The following BAIAP2 variants were observed in gnomAD, a reference collection of about 807,000 sequenced individuals.
BAIAP2 encodes BAR/IMD domain containing adaptor protein 2.
Under a neutral mutation model 63.0 loss-of-function variants are expected in BAIAP2, and 18 were observed. That is an observed-to-expected ratio of 0.29 (90% CI 0.20 to 0.42). The LOEUF is 0.42. Among genes scored for constraint, BAIAP2 ranks in the 10% least tolerant of loss-of-function variants. The probability of loss-of-function intolerance (pLI) is 1.00; values close to 1 mark genes in which losing one functional copy is unlikely to be tolerated. For synonymous variants in BAIAP2, 386 were observed against 307.6 expected (o/e 1.25, Z -2.67); for missense variants, 610 against 734.3 (o/e 0.83, Z 1.96).
chr17:81,035,208 G>A lies in BAIAP2; in HGVS notation c.-47G>A, dbSNP rs760112001. On this transcript the variant is annotated 5_prime_UTR_variant, in exon 1 of 14. Transcript: ENST00000428708. The stretch of plus-strand genomic sequence containing the variant: ...TGCCGTTACCGCCGCTGCTGCCGCC[G>A]CTTGCGTCCCCCGCTCCGGTCTGTG... 8 of 1,439,506 alleles carry A rather than the reference G, an allele frequency of 5.6e-6. No individual in the cohort carries two copies. Among genetic ancestry groups the A allele is most frequent in the Admixed American group, 2.3e-5 (1 of 44,104 alleles). The allele number at this position is 1,439,506 out of a possible 1,614,324, so 89.2% of individuals were successfully genotyped here.
chr17:81,092,878 C>A (rs368389248), intron 6 of BAIAP2, among the ~76,000 whole-genome samples: 6 of 152,146 alleles, frequency 3.9e-5, no homozygotes, highest in African/African-American at 1.4e-4. Flanking sequence ...AGTGTGTCCG[C>A]GGGGCGTGGT....
At chr17:81,084,492 G>A (rs549834339) in intron 3 of BAIAP2, among the ~76,000 whole-genome samples, 74 of 152,250 alleles carry the variant, frequency 4.9e-4, no homozygotes, top group African/African-American at 1.7e-3. Context: ...AGCCGGATGC[G>A]TATGAGGACG....
intron 3 of BAIAP2, chr17:81,083,158 T>G (rs1317303851): frequency 6.6e-6 from 1 of 152,388 alleles, no homozygotes; most frequent in African/African-American, 2.4e-5. Flanking sequence ...GGTTAGGGCT[T>G]CCTGCGTGTC....
chr17:81,085,370 G>A (rs1285913787), intron 4 of BAIAP2: 1 of 604,332 alleles, frequency 1.7e-6, no homozygotes, highest in Non-Finnish European at 3.0e-6. Context: ...GTGATCCCCA[G>A]CATGGGACAG....
chr17:81,062,645 T>A (rs1307818373), intron 3 of BAIAP2, among the ~76,000 whole-genome samples: 1 of 151,990 alleles, frequency 6.6e-6, no homozygotes, highest in Non-Finnish European at 1.5e-5. Flanking sequence ...TCTTTACTGT[T>A]CCTGTATTAC....
intron 13 of BAIAP2, among the ~76,000 whole-genome samples, chr17:81,111,798 C>A (rs779996324): frequency 2.6e-5 from 4 of 152,240 alleles, no homozygotes; most frequent in Non-Finnish European, 4.4e-5. Flanking sequence ...TCGCCTACAC[C>A]TGTGTCTGGG....
rs528867462 is a variant in BAIAP2 at position 81,080,950 on chromosome 17, C to T, written c.218-3882C>T. Among the ~76,000 whole-genome samples, 5 of 152,350 alleles carry T rather than the reference C, an allele frequency of 3.3e-5. No individual in the cohort carries two copies. The East Asian group carries it at 7.7e-4, about 24-fold the overall frequency. On this transcript the variant is annotated intron_variant, in intron 3 of 13. Transcript: ENST00000428708. The stretch of plus-strand genomic sequence containing the variant: ...CTCTTTGTGAACTTGCTGGCCCCCA[C>T]GCCAGGATAGGGGGCCGGCGACCTC...
intron 6 of BAIAP2, among the ~76,000 whole-genome samples, chr17:81,093,623 C>G (rs935129921): frequency 6.6e-6 from 1 of 152,098 alleles, no homozygotes; most frequent in Non-Finnish European, 1.5e-5. Flanking sequence ...CACTGGTGCT[C>G]TGCTCACTGT....
At chr17:81,081,578 C>T (rs2054613496) in intron 3 of BAIAP2, among the ~76,000 whole-genome samples, 1 of 152,186 alleles carries the variant, frequency 6.6e-6, no homozygotes, top group Non-Finnish European at 1.5e-5. Context: ...AAGTGGCTTC[C>T]CTTCAGCCAG....
chr17:81,062,451 C>T (rs771266872), intron 3 of BAIAP2, among the ~76,000 whole-genome samples: 10 of 152,082 alleles, frequency 6.6e-5, no homozygotes, highest in Non-Finnish European at 7.3e-5. Context: ...ATTTTCAATG[C>T]GCCATCACGA....
At chr17:81,068,680 C>T (rs921641256) in intron 3 of BAIAP2, among the ~76,000 whole-genome samples, 4 of 152,172 alleles carry the variant, frequency 2.6e-5, no homozygotes, top group African/African-American at 9.7e-5. Flanking sequence ...GGAGGGTGCC[C>T]CCAAGCCTGG....
intron 1 of BAIAP2, among the ~76,000 whole-genome samples, chr17:81,037,603 T>G (rs1300418532): frequency 6.6e-6 from 1 of 152,216 alleles, no homozygotes; most frequent in Non-Finnish European, 1.5e-5. Context: ...GTCCAGGCAG[T>G]GCTGAGCTCT....
intron 2 of BAIAP2, among the ~76,000 whole-genome samples, chr17:81,056,757 C>T (rs974171675): frequency 2.6e-5 from 4 of 152,222 alleles, no homozygotes; most frequent in South Asian, 2.1e-4. Context: ...CAGGCAGCAC[C>T]GCCACCTTAG....
chr17:81,113,775 C>T (rs959935468), intron 13 of BAIAP2, among the ~76,000 whole-genome samples: 4 of 152,130 alleles, frequency 2.6e-5, no homozygotes, highest in African/African-American at 9.7e-5. Context: ...AGAGAACAGG[C>T]CTGCACCAGT....
Position 81,103,658 on chromosome 17 carries a change from A to G in BAIAP2, c.799A>G (p.Ile267Val). ...GTCGGCCTCCAAGTCCAACCTGGTC[A>G]TTTCCGACCCCATTCCGGGGGCCAA... ...ALSASKSNLV[I>V]SDPIPGAKPL... The change falls in exon 8 of 14, where the codon ATT becomes GTT. Residue 267 changes from isoleucine (I) to valine (V), a missense_variant. This residue lies in a region of BAIAP2 where 389 missense variants were observed against 455.6 expected (regional missense o/e 0.85). Coordinates refer to ENST00000428708, the MANE Select transcript of BAIAP2 (RefSeq NM_001144888.2). 1 of 1,601,750 alleles carries G rather than the reference A, an allele frequency of 6.2e-7. No homozygotes were observed. Among genetic ancestry groups the G allele is most frequent in the East Asian group, 2.2e-5 (1 of 44,610 alleles).
intron 12 of BAIAP2, 138 bp downstream of exon 12, chr17:81,107,045 G>A (rs2146004092): frequency 9.2e-7 from 1 of 1,081,788 alleles, no homozygotes; most frequent in East Asian, 2.8e-5. Flanking sequence ...GGTGAAGGCT[G>A]CATGATTTGG....
chr17:81,114,794 C>T (rs149107376), intron 13 of BAIAP2, among the ~76,000 whole-genome samples: 19 of 152,104 alleles, frequency 1.2e-4, no homozygotes, highest in African/African-American at 2.9e-4. Flanking sequence ...TGCCTCTTCC[C>T]GGGTAGCTGG....
Position 81,057,976 on chromosome 17 carries a change from C to T in BAIAP2, c.217+9C>T, listed in dbSNP as rs778157788. ...GGGCTCCAAAGAACTCGGTGAGACC[C>T]CCCCCCCCCCCCCGCCTGGTAGTCG... is the stretch of plus-strand genomic sequence containing the variant. On this transcript the variant is annotated intron_variant, in intron 3 of 13. Transcript: ENST00000428708. 4.4e-5 allele frequency: 8 copies of T among 183,406 alleles called. No individual in the cohort carries two copies. The highest frequency in any genetic ancestry group is 3.1e-4 in the East Asian group (1 of 3,226). 11.4% of individuals were successfully genotyped at this position (183,406 alleles called of 1,614,324 possible). A position where few individuals can be genotyped will look rare whatever the true frequency, so the allele number is the denominator to read the frequency against.
At position 81,057,874 on chromosome 17, in the gene BAIAP2, C is replaced by T. The variant is rs756939488; in HGVS notation, c.131-7C>T. 1.9e-6 allele frequency: 3 copies of T among 1,608,688 alleles called. No homozygotes were observed. The highest frequency in any genetic ancestry group is 2.2e-5 in the South Asian group (2 of 89,994). ...GGAAATAACTGCTCCCTTTTCTTCT[C>T]TCTCAGGTGTGACGTATGCAGCCAA... On this transcript the variant is annotated splice_polypyrimidine_tract_variant and splice_region_variant and intron_variant, in intron 2 of 13. Coordinates refer to ENST00000428708, the MANE Select transcript of BAIAP2 (RefSeq NM_001144888.2).
Sources: gnomAD v4.1 joint callset for allele counts (sites outside exome capture counted in the v4.1 genomes callset) on GRCh38, gnomAD v4.1.1 for gene constraint, gnomAD v4.1.1 regional missense constraint, MANE v1.5 for transcripts, NCBI Gene and HGNC (gene_info 2026-07-23, HGNC 2026-07-21) for gene names.